The following NF1 variants were observed in gnomAD, a reference collection of about 807,000 sequenced individuals.
The protein encoded by NF1 is neurofibromin.
In NF1, 122 loss-of-function variants were observed where a neutral mutation model predicts 325.7. The ratio of observed to expected loss-of-function variants is 0.37; its 90% CI spans 0.32 to 0.44. The LOEUF is 0.44. NF1 is among the 20% of genes least tolerant of loss of function. The pLI is 1.00. For missense variants in NF1, 2,140 were observed against 3,415.4 expected, an observed-to-expected ratio of 0.63 and a Z score of 9.31; for synonymous variants, 1,091 against 1,186.0, an observed-to-expected ratio of 0.92 and a Z score of 1.65.
chr17:31,287,542 C>CTCTGTGTGTGTG (rs987459488), intron 36 of NF1, among the ~76,000 whole-genome samples: 90 of 145,590 alleles, frequency 6.2e-4, no homozygotes, highest in African/African-American at 2.1e-3. Flanking sequence ...TCATTCATAA[C>CTCTGTGTGTGTG]TGTGTGTGTG....
At chr17:31,101,675 C>T (rs1912352710) in intron 1 of NF1, among the ~76,000 whole-genome samples, 1 of 152,028 alleles carries the variant, frequency 6.6e-6, no homozygotes, top group South Asian at 2.1e-4. Flanking sequence ...TTGTGCTTTT[C>T]TAATTCCTGT....
chr17:31,236,063 T>TG lies in NF1; in HGVS notation c.3974+42_3974+43insG, dbSNP rs773611592. The stretch of plus-strand genomic sequence containing the variant: ...CATAGAACCGCTGTTTTTTGTTTTT[T>TG]TTTTTTTGTTTGTTTGTTTTACTAA... On this transcript the variant is annotated intron_variant, in intron 29 of 57. Transcript: ENST00000358273. The TG allele has an allele frequency of 1.9e-5, 28 of 1,490,900 alleles. 2 individuals carry two copies. Among genetic ancestry groups the TG allele is most frequent in the African/African-American group, 1.7e-4 (12 of 71,696 alleles). 92.4% of individuals were successfully genotyped at this position (1,490,900 alleles called of 1,614,324 possible). A position where few individuals can be genotyped will look rare whatever the true frequency, so the allele number is the denominator to read the frequency against.
chr17:31,180,165 AGAG>A lies in NF1; in HGVS notation c.587-1250_587-1248del, dbSNP rs1274294616. ...GATGGATTCACAGCCAGATTCAGCT[AGAG>A]GAGGAGCTGGTACCATTCCTTCTGA... On this transcript the variant is annotated intron_variant, in intron 5 of 57. Coordinates refer to ENST00000358273, the MANE Select transcript of NF1 (RefSeq NM_001042492.3). Among the ~76,000 whole-genome samples the A allele has an allele frequency of 2.0e-5, 3 of 151,648 alleles. No homozygotes were observed. In the East Asian group the frequency reaches 5.8e-4, roughly 29 times the overall value.
At chr17:31,219,673 A>G (rs1292660169) in intron 14 of NF1, among the ~76,000 whole-genome samples, 3 of 131,872 alleles carry the variant, frequency 2.3e-5, no homozygotes, top group Admixed American at 9.7e-5. Context: ...TTGTGCAACT[A>G]TAGCTACTCT....
intron 36 of NF1, among the ~76,000 whole-genome samples, chr17:31,306,753 T>C (rs2068732117): frequency 6.6e-6 from 1 of 151,664 alleles, no homozygotes; most frequent in Non-Finnish European, 1.5e-5. Flanking sequence ...CATCTATTGG[T>C]AAATGCCACA....
chr17:31,345,381 C>T (rs1346933072), intron 48 of NF1: 1 of 1,227,130 alleles, frequency 8.1e-7, no homozygotes, highest in Admixed American at 2.9e-5. Flanking sequence ...CTCTCCTTCC[C>T]CCTGTAGGGG....
intron 48 of NF1, chr17:31,345,549 C>T (rs1302459932): frequency 3.8e-6 from 6 of 1,566,000 alleles, no homozygotes; most frequent in African/African-American, 1.4e-5. Flanking sequence ...CGCGGTCATC[C>T]TCGGGCCGCC....
rs1597848079 is a variant in NF1 at position 31,340,569 on chromosome 17, A to G, written c.6986A>G (p.Asn2329Ser). 3 of 1,614,160 alleles carry G rather than the reference A, an allele frequency of 1.9e-6. No homozygotes were observed. The highest frequency in any genetic ancestry group is 2.5e-6 in the Non-Finnish European group (3 of 1,180,016). Reference protein sequence around the residue: ...AVAVLQLDEVNLYSAGTALLE... With the variant: ...AVAVLQLDEVSLYSAGTALLE... ...GCTGTGCTGCAGCTTGATGAGGTCA[A>G]CTTGTATTCAGCAGGTACCGCACTT... Residue 2329 changes from asparagine to serine, a missense_variant, in exon 47 of 58, where the codon AAC (asparagine) becomes AGC (serine). Transcript: ENST00000358273.
At chr17:31,104,066 A>G (rs1244640877) in intron 1 of NF1, among the ~76,000 whole-genome samples, 4 of 151,742 alleles carry the variant, frequency 2.6e-5, no homozygotes, top group African/African-American at 2.4e-5. Context: ...TTCGTTTTTT[A>G]TTTGGGTACC....
intron 35 of NF1, among the ~76,000 whole-genome samples, chr17:31,263,031 ATAGATAGG>A (rs147377159): frequency 0.55 from 79,929 of 144,456 alleles, 23,968 homozygotes; most frequent in Middle Eastern, 0.75. Flanking sequence ...AGATAGATAG[ATAGATAGG>A]TAGGTAGGTA....
At chr17:31,241,436 C>T (rs2067294815) in intron 29 of NF1, among the ~76,000 whole-genome samples, 2 of 152,118 alleles carry the variant, frequency 1.3e-5, no homozygotes, top group African/African-American at 2.4e-5. Flanking sequence ...TTTCTTCCTT[C>T]CTGCCTTCCC....
chr17:31,335,221 G>T (rs1251531586), intron 40 of NF1, among the ~76,000 whole-genome samples, 190 bp downstream of exon 40: 138 of 54,906 alleles, frequency 2.5e-3, no homozygotes, highest in African/African-American at 9.4e-3. Context: ...TCTAGTGCAT[G>T]TCTCAGAGCC....
At chr17:31,326,562 G>A (rs1324597539) in intron 37 of NF1, among the ~76,000 whole-genome samples, 2 of 151,982 alleles carry the variant, frequency 1.3e-5, no homozygotes, top group Admixed American at 6.6e-5. Flanking sequence ...CAGGAGAATC[G>A]CTTGAACCCG....
intron 1 of NF1, among the ~76,000 whole-genome samples, chr17:31,151,041 A>AAAT (rs1916905765): frequency 2.9e-5 from 3 of 102,768 alleles, no homozygotes; most frequent in Non-Finnish European, 7.8e-5. Flanking sequence ...TCTCAAAAAA[A>AAAT]AAATAAATAA....
chr17:31,180,967 G>T (rs927273068), intron 5 of NF1, among the ~76,000 whole-genome samples: 1 of 152,264 alleles, frequency 6.6e-6, no homozygotes, highest in East Asian at 1.9e-4. Context: ...CAAACAGAGA[G>T]CCAAATCATG....
chr17:31,262,874 T>C (rs886537519), intron 35 of NF1, among the ~76,000 whole-genome samples: 1 of 152,164 alleles, frequency 6.6e-6, no homozygotes, highest in African/African-American at 2.4e-5. Flanking sequence ...GAAAATTATA[T>C]ACTACAAAAA....
At chr17:31,268,616 ACT>A (rs2067833551) in intron 36 of NF1, among the ~76,000 whole-genome samples, 2 of 139,762 alleles carry the variant, frequency 1.4e-5, no homozygotes, top group South Asian at 2.2e-4. Context: ...ACAGAGCAAG[ACT>A]CTGTCTAAAA....
intron 5 of NF1, among the ~76,000 whole-genome samples, chr17:31,173,060 T>G (rs2065958853): frequency 6.6e-6 from 1 of 152,044 alleles, no homozygotes; most frequent in South Asian, 2.1e-4. Context: ...GGTGGGCGGA[T>G]CACTGAGGTT....
At chr17:31,369,312 C>CT (rs1567632428) in intron 57 of NF1, among the ~76,000 whole-genome samples, 1 of 152,190 alleles carries the variant, frequency 6.6e-6, no homozygotes, top group Non-Finnish European at 1.5e-5. Context: ...TCCCCAGCTA[C>CT]TCAAATTCAC....
Sources: allele counts gnomAD v4.1 joint callset (sites outside exome capture counted in the v4.1 genomes callset), GRCh38; gene constraint gnomAD v4.1.1; transcripts MANE v1.5; gene names NCBI Gene and HGNC (gene_info 2026-07-23, HGNC 2026-07-21).